CIT: variants seen among roughly 807,000 people sequenced by gnomAD.
CIT encodes citron Rho-interacting kinase.
Under a neutral mutation model 272.7 loss-of-function variants are expected in CIT, and 79 were observed. The observed-to-expected ratio is 0.29, with a 90% confidence interval of 0.24 to 0.35. The LOEUF (loss-of-function observed/expected upper bound fraction) is 0.35. Among genes scored for constraint, CIT ranks in the 10% least tolerant of loss-of-function variants. The probability of loss-of-function intolerance (pLI) is 1.00; values close to 1 mark genes in which losing one functional copy is unlikely to be tolerated. For synonymous variants in CIT, 948 were observed against 995.6 expected, an observed-to-expected ratio of 0.95 and a Z score of 0.90; for missense variants, 1,909 against 2,618.3, an observed-to-expected ratio of 0.73 and a Z score of 5.91.
At chr12:119,874,560 A>G (rs1308787239) in intron 2 of CIT, among the ~76,000 whole-genome samples, 4 of 152,184 alleles carry the variant, frequency 2.6e-5, no homozygotes, top group Non-Finnish European at 5.9e-5. Context: ...TTAAAAATCT[A>G]TTTGGAAGTA....
intron 10 of CIT, among the ~76,000 whole-genome samples, chr12:119,801,020 T>C (rs1966152466): frequency 6.6e-6 from 1 of 152,210 alleles, no homozygotes; most frequent in Non-Finnish European, 1.5e-5. Context: ...ATCTTTCTGA[T>C]TCCAACCCCG....
chr12:119,803,473 A>C, intron 9 of CIT, 84 bp from the exon 10 acceptor site: 1 of 1,024,138 alleles, frequency 9.8e-7, no homozygotes, highest in Non-Finnish European at 1.4e-6. Flanking sequence ...AGATCGTCTT[A>C]CTCCTTCGGC....
chr12:119,702,523 T>C (rs1052675524), intron 41 of CIT, among the ~76,000 whole-genome samples: 2 of 151,964 alleles, frequency 1.3e-5, no homozygotes, highest in African/African-American at 4.8e-5. Flanking sequence ...CCGTCTCTAC[T>C]AAAAATACAA....
Position 119,710,808 on chromosome 12 carries a change from T to C in CIT, c.4855-188A>G, listed in dbSNP as rs553369422. ...CTCCAAATGCAAAATGCGAGTGCTA[T>C]TGGTATCTCTGGGGCAGCTGTTAAT... On this transcript the variant is annotated intron_variant, in intron 37 of 47. Coordinates refer to ENST00000392521, the MANE Select transcript of CIT (RefSeq NM_001206999.2). This position sits in a 1 kb window ranked among gnomAD's most constrained non-coding sequence, Gnocchi z 5.6. 3 of 670,716 alleles carry C rather than the reference T, an allele frequency of 4.5e-6. No individual in the cohort carries two copies. Among genetic ancestry groups the C allele is most frequent in the East Asian group, 2.8e-5 (1 of 36,072 alleles). The allele number at this position is 670,716 out of a possible 1,614,324, so 41.5% of individuals were successfully genotyped here.
At chr12:119,709,819 T>A (rs1288018227) in intron 39 of CIT, among the ~76,000 whole-genome samples, 7 of 142,596 alleles carry the variant, frequency 4.9e-5, no homozygotes, top group African/African-American at 1.6e-4. Context: ...TGTGTGTGTG[T>A]GTGTGTGTGT....
At chr12:119,692,252 C>T (rs1370752051) in intron 46 of CIT, among the ~76,000 whole-genome samples, 1 of 152,174 alleles carries the variant, frequency 6.6e-6, no homozygotes, top group African/African-American at 2.4e-5. Context: ...AGTTCAAGAC[C>T]AGCCCGGGCA....
chr12:119,712,787 G>C lies in CIT; in HGVS notation c.4580-92C>G. ...AGAGCGAGAGAGACAGCAAGGGAGA[G>C]AGAGACAGGGTACGTGTGTAAAGAG... is the stretch of plus-strand genomic sequence containing the variant. On this transcript the variant is annotated intron_variant, in intron 35 of 47. Transcript: ENST00000392521. The surrounding 1 kb of genome is among the most constrained non-coding windows in gnomAD (Gnocchi z 5.2). 2.9e-6 allele frequency: 3 copies of C among 1,023,202 alleles called. No individual in the cohort carries two copies. Among genetic ancestry groups the C allele is most frequent in the Middle Eastern group, 2.1e-4 (1 of 4,862 alleles). The allele number at this position is 1,023,202 out of a possible 1,614,324, so 63.4% of individuals were successfully genotyped here.
chr12:119,729,060 G>C (rs1958286516), intron 27 of CIT, among the ~76,000 whole-genome samples: 1 of 152,156 alleles, frequency 6.6e-6, no homozygotes. Flanking sequence ...GATAAGAAAG[G>C]CTTGGGAAAG....
At chr12:119,826,548 T>TAA (rs1177111412) in intron 7 of CIT, among the ~76,000 whole-genome samples, 1 of 152,204 alleles carries the variant, frequency 6.6e-6, no homozygotes, top group African/African-American at 2.4e-5. Flanking sequence ...GCAACCCCTT[T>TAA]GGTCTTCAAA....
chr12:119,714,131 C>A, intron 33 of CIT, 66 bp downstream of exon 33: 1 of 1,586,186 alleles, frequency 6.3e-7, no homozygotes, highest in Non-Finnish European at 8.6e-7. Flanking sequence ...ATCACCTCCA[C>A]CTGATAGACT....
Position 119,708,290 on chromosome 12 carries a change from G to T in CIT, c.5100C>A (p.Asp1700Glu). The T allele has an allele frequency of 6.2e-7, 1 of 1,603,942 alleles. No individual in the cohort carries two copies. Among genetic ancestry groups the T allele is most frequent in the Non-Finnish European group, 8.5e-7 (1 of 1,175,566 alleles). ...AGEERALCLV[D>E]VKKVKQSLAQ... The stretch of plus-strand genomic sequence containing the variant: ...CCAGGGACTGTTTCACTTTCTTCAC[G>T]TCCACAAGACACAGTGCCCGCTCTT... Residue 1700 changes from aspartate to glutamate, a missense_variant, in exon 40 of 48, where the codon GAC (aspartate) becomes GAA (glutamate). Coordinates refer to ENST00000392521, the MANE Select transcript of CIT (RefSeq NM_001206999.2).
At chr12:119,696,566 C>T (rs750148178) in intron 46 of CIT, among the ~76,000 whole-genome samples, 2 of 151,982 alleles carry the variant, frequency 1.3e-5, no homozygotes, top group African/African-American at 2.4e-5. Flanking sequence ...TCACTCTGTG[C>T]CCAGGCTGGA....
chr12:119,688,825 T>C (rs1385843878), intron 47 of CIT, among the ~76,000 whole-genome samples: 1 of 152,248 alleles, frequency 6.6e-6, no homozygotes, highest in East Asian at 1.9e-4. Context: ...GCAACCACTG[T>C]GAACACTTTC....
chr12:119,735,464 G>GTT, intron 24 of CIT, 107 bp from the exon 25 acceptor site: 2 of 1,103,310 alleles, frequency 1.8e-6, no homozygotes, highest in Non-Finnish European at 1.4e-6. Context: ...GGCAATCAAC[G>GTT]TGCCGCTCAT....
At chr12:119,800,260 C>T (rs772679944) in intron 10 of CIT, among the ~76,000 whole-genome samples, 1 of 152,124 alleles carries the variant, frequency 6.6e-6, no homozygotes, top group Non-Finnish European at 1.5e-5. Flanking sequence ...CTCTCCAAGA[C>T]TAATTTCACC....
rs548144333 is a variant in CIT at position 119,744,030 on chromosome 12, C to T, written c.2905-1566G>A. On this transcript the variant is annotated intron_variant, in intron 23 of 47. Transcript: ENST00000392521. ...GGATTTTACTGTTGTTTTAAGATCA[C>T]GGTAGATGTTACAGGGAGAAGAGGA... Among the ~76,000 whole-genome samples the T allele has an allele frequency of 5.9e-5, 9 of 152,214 alleles. No individual in the cohort carries two copies. In the East Asian group the frequency reaches 7.7e-4, roughly 13 times the overall value.
At chr12:119,867,457 G>A (rs1290794747) in intron 3 of CIT, among the ~76,000 whole-genome samples, 3 of 152,144 alleles carry the variant, frequency 2.0e-5, no homozygotes, top group Non-Finnish European at 4.4e-5. Flanking sequence ...CAAAGCGCTG[G>A]GCTTACACGC....
intron 13 of CIT, among the ~76,000 whole-genome samples, chr12:119,780,576 C>T (rs1245985308): frequency 5.3e-5 from 8 of 152,072 alleles, no homozygotes; most frequent in Non-Finnish European, 1.2e-4. Context: ...GAAACTGCAC[C>T]ACTGCACTCC....
At chr12:119,698,230 G>GAATA in intron 44 of CIT, 176 bp from the exon 45 acceptor site, 1 of 645,600 alleles carries the variant, frequency 1.5e-6, no homozygotes, top group Non-Finnish European at 2.8e-6. Flanking sequence ...TCACTGCCGT[G>GAATA]TGGTTTGTTA....
Sources: allele counts gnomAD v4.1 joint callset (sites outside exome capture counted in the v4.1 genomes callset), GRCh38; gene constraint gnomAD v4.1.1; non-coding constraint Gnocchi (gnomAD v3.1); transcripts MANE v1.5; gene names NCBI Gene and HGNC (gene_info 2026-07-23, HGNC 2026-07-21).